CBARP: variants seen among roughly 807,000 people sequenced by gnomAD.
The protein encoded by CBARP is CACN subunit beta associated regulatory protein, also known as voltage-dependent calcium channel beta subunit-associated regulatory protein.
Under a neutral mutation model 36.3 loss-of-function variants are expected in CBARP, and 24 were observed. That is an observed-to-expected ratio of 0.66 (90% CI 0.48 to 0.93). The LOEUF (loss-of-function observed/expected upper bound fraction) is 0.93, where lower values mean the gene tolerates loss of function less well. CBARP is among the 40% of genes least tolerant of loss of function. The pLI is 0.00. For synonymous variants in CBARP, 586 were observed against 453.2 expected (o/e 1.29, Z -3.72); for missense variants, 1,146 against 980.4 (o/e 1.17, Z -2.26).
chr19:1,232,577 C>T (rs73494636), intron 8 of CBARP, among the ~76,000 whole-genome samples: 3,764 of 152,276 alleles, frequency 0.025, 142 homozygotes, highest in African/African-American at 0.085. Flanking sequence ...CTCTGCTCCC[C>T]ACACAAACTC....
chr19:1,231,577 CGCCTGTGCACCCCCCAT>C (rs1349255363), intron 8 of CBARP, among the ~76,000 whole-genome samples: 1 of 88,680 alleles, frequency 1.1e-5, no homozygotes, highest in Non-Finnish European at 2.3e-5. Context: ...CCCCACAGAA[CGCCTGTGCACCCCCCAT>C]GCCTGTGCCC....
Position 1,229,588 on chromosome 19 carries a change from C to T in CBARP, c.1709G>A (p.Arg570His). 2 of 1,181,176 alleles carry T rather than the reference C, an allele frequency of 1.7e-6. No individual in the cohort carries two copies. Among genetic ancestry groups the T allele is most frequent in the South Asian group, 1.4e-5 (1 of 69,014 alleles). 73.2% of individuals were successfully genotyped at this position (1,181,176 alleles called of 1,614,324 possible). A position where few individuals can be genotyped will look rare whatever the true frequency, so the allele number is the denominator to read the frequency against. The change falls in exon 10 of 10, where the codon CGC becomes CAC. Residue 570 changes from arginine to histidine, a missense_variant. By Grantham distance (29) the Arg-to-His change is conservative. Transcript: ENST00000650044. This position sits in a 1 kb window ranked among gnomAD's most constrained non-coding sequence, Gnocchi z 5.1. ...FDDTPAAARH[R>H]ARAHPHARKQ... ...GCGGGCGTGCGGGTGCGCGCGGGCG[C>T]GGTGTCGCGCGGCAGCCGGCGTGTC...
At position 1,228,975 on chromosome 19, in the gene CBARP, A is replaced by G. The variant is rs72618593; in HGVS notation, c.*204T>C. On this transcript the variant is annotated 3_prime_UTR_variant, in exon 10 of 10. Transcript: ENST00000650044. ...CGGCAAGCACCGGAAAGAGCAGTGC[A>G]CACTTCGGCGGCGCGAGGGCGGCCG... 84,077 of 148,520 alleles carry G rather than the reference A, an allele frequency of 0.57. 24,812 individuals are homozygous for G. The highest frequency in any genetic ancestry group is 0.98 in the East Asian group (5,005 of 5,094). 9.2% of individuals were successfully genotyped at this position (148,520 alleles called of 1,614,324 possible).
At chr19:1,232,560 G>A (rs898663931) in intron 8 of CBARP, among the ~76,000 whole-genome samples, 6 of 152,156 alleles carry the variant, frequency 3.9e-5, no homozygotes. Context: ...TGCTACAGAT[G>A]GGACACCTCT....
At chr19:1,235,241 G>T (rs2145457891) in intron 4 of CBARP, 96 bp from the exon 5 acceptor site, 2 of 1,309,300 alleles carry the variant, frequency 1.5e-6, no homozygotes, top group Middle Eastern at 2.8e-4. Context: ...CGGCAGGGAG[G>T]GCTGGGGCCG....
Position 1,229,108 on chromosome 19 carries a change from G to T in CBARP, c.*71C>A. The stretch of plus-strand genomic sequence containing the variant: ...TCGCGTCGGGGCGTCGCGCCCCCAC[G>T]TCTCTCCCGCCGCCGAGGCCCCGTG... On this transcript the variant is annotated 3_prime_UTR_variant, in exon 10 of 10. Transcript: ENST00000650044. The surrounding 1 kb of genome is among the most constrained non-coding windows in gnomAD (Gnocchi z 5.1). 2 of 595,008 alleles carry T rather than the reference G, an allele frequency of 3.4e-6. No homozygotes were observed. The highest frequency in any genetic ancestry group is 4.9e-5 in the South Asian group (1 of 20,492). 36.9% of individuals were successfully genotyped at this position (595,008 alleles called of 1,614,324 possible).
chr19:1,229,735 G>A lies in CBARP; in HGVS notation c.1562C>T (p.Ala521Val). The change falls in exon 10 of 10, where the codon GCC becomes GTC. Residue 521 changes from alanine (A) to valine (V), a missense_variant. Physicochemically the swap from Ala to Val is moderately conservative, Grantham distance 64. Transcript: ENST00000650044. The surrounding 1 kb of genome is among the most constrained non-coding windows in gnomAD (Gnocchi z 5.1). ...CGGGCTGCGGGGCCGGGCGGGCGCG[G>A]CAGGTGGCTCGGTGTCGTCGCCTGC... Reference protein sequence around the residue: ...RGAGDDTEPPAAPARPRSPRA... With the variant: ...RGAGDDTEPPVAPARPRSPRA... The A allele has an allele frequency of 1.0e-6, 1 of 987,520 alleles. No individual in the cohort carries two copies. Among genetic ancestry groups the A allele is most frequent in the Non-Finnish European group, 1.2e-6 (1 of 831,136 alleles). The allele number at this position is 987,520 out of a possible 1,614,324, so 61.2% of individuals were successfully genotyped here.
chr19:1,235,613 C>G (rs2080958507), intron 3 of CBARP, 48 bp from the exon 4 acceptor site: 2 of 1,592,510 alleles, frequency 1.3e-6, no homozygotes, highest in African/African-American at 1.3e-5. Context: ...GCCCAGATAG[C>G]CACAGTGGGT....
At chr19:1,234,093 G>A (rs959732151) in intron 7 of CBARP, 98 bp downstream of exon 7, 27 of 1,333,660 alleles carry the variant, frequency 2.0e-5, no homozygotes, top group Non-Finnish European at 2.5e-5. Flanking sequence ...TGCGGTGGCT[G>A]GCAGGTCATA....
In CBARP at chr19:1,229,339, G is replaced by C. The variant is rs770494033; in HGVS notation, c.1958C>G (p.Pro653Arg). The stretch of plus-strand genomic sequence containing the variant: ...TGGTAGGACGCACAGGCCCGAGCCG[G>C]GGCACCCCCCGCCGCCCGGCTCCTC... ...IEEEPGGGGC[P>R]GSGLCVLPSG... Residue 653 changes from proline to arginine, a missense_variant, in exon 10 of 10, where the codon CCC becomes CGC. By Grantham distance (103) the Pro-to-Arg change is moderately radical. Coordinates refer to ENST00000650044, the MANE Select transcript of CBARP (RefSeq NM_001393918.1). This position sits in a 1 kb window ranked among gnomAD's most constrained non-coding sequence, Gnocchi z 5.1. The C allele has an allele frequency of 1.6e-6, 2 of 1,215,410 alleles. No individual in the cohort carries two copies. Among genetic ancestry groups the C allele is most frequent in the South Asian group, 1.4e-5 (1 of 73,302 alleles). 75.3% of individuals were successfully genotyped at this position (1,215,410 alleles called of 1,614,324 possible). A position where few individuals can be genotyped will look rare whatever the true frequency, so the allele number is the denominator to read the frequency against.
intron 1 of CBARP, 132 bp from the exon 2 acceptor site, chr19:1,236,253 G>A (rs1466980420): frequency 4.8e-6 from 6 of 1,243,572 alleles, no homozygotes; most frequent in Non-Finnish European, 6.2e-6. Flanking sequence ...AGGTAGCAGA[G>A]CCGGAGGCAG....
Position 1,229,831 on chromosome 19 carries a change from C to T in CBARP, c.1466G>A (p.Arg489Gln). ...CCGGCGCGCCTCGCCGTCCTTGGGC[C>T]GCGGCGCGGGCGGGGAGGGCGGCGG... Reference protein sequence around the residue: ...AFPPPSPPAPRPKDGEARRLL... With the variant: ...AFPPPSPPAPQPKDGEARRLL... Residue 489 changes from arginine (R) to glutamine (Q), a missense_variant, in exon 10 of 10, where the codon CGG becomes CAG. By Grantham distance (43) the Arg-to-Gln change is conservative. Coordinates refer to ENST00000650044, the MANE Select transcript of CBARP (RefSeq NM_001393918.1). The surrounding 1 kb of genome is among the most constrained non-coding windows in gnomAD (Gnocchi z 5.1). 1 of 984,864 alleles carries T rather than the reference C, an allele frequency of 1.0e-6. No individual in the cohort carries two copies. Among genetic ancestry groups the T allele is most frequent in the Non-Finnish European group, 1.2e-6 (1 of 830,898 alleles). 61.0% of individuals were successfully genotyped at this position (984,864 alleles called of 1,614,324 possible).
chr19:1,228,825 G>GC lies in CBARP; in HGVS notation c.*353dup. On this transcript the variant is annotated 3_prime_UTR_variant, in exon 10 of 10. Transcript: ENST00000650044. ...TGGCGGGCCCTGCGACTAAGCGGCC[G>GC]CCCCGTCCGGGACTGAGGGCGAGTG... The GC allele has an allele frequency of 6.8e-6, 1 of 147,448 alleles. No homozygotes were observed. Among genetic ancestry groups the GC allele is most frequent in the Non-Finnish European group, 1.5e-5 (1 of 66,226 alleles). 9.1% of individuals were successfully genotyped at this position (147,448 alleles called of 1,614,324 possible). A position where few individuals can be genotyped will look rare whatever the true frequency, so the allele number is the denominator to read the frequency against.
At position 1,233,418 on chromosome 19, in the gene CBARP, C is replaced by T; in HGVS notation, c.979+8G>A. On this transcript the variant is annotated splice_region_variant and intron_variant, in intron 8 of 9. Transcript: ENST00000650044. ...GGGGCCCACTCTCCACCAGGTGCTA[C>T]AGCTCACCTCTCGTGTCCAGACTGG... The T allele has an allele frequency of 1.9e-6, 3 of 1,578,606 alleles. No homozygotes were observed. Among genetic ancestry groups the T allele is most frequent in the South Asian group, 1.2e-5 (1 of 86,800 alleles).
rs1320125372 is a variant in CBARP at position 1,231,207 on chromosome 19, C to G, written c.1048G>C (p.Asp350His). Residue 350 changes from aspartate to histidine, a missense_variant, in exon 9 of 10, where the codon GAT becomes CAT. Coordinates refer to ENST00000650044, the MANE Select transcript of CBARP (RefSeq NM_001393918.1). The stretch of plus-strand genomic sequence containing the variant: ...TGGATGAAGTCCTCCTGGGGGGCAT[C>G]CCCCTCCTCCTGCTCCGTGCTCTCA... The part of the protein sequence containing the change: ...ASESTEQEEG[D>H]APQEDFIQYI... 1.4e-5 allele frequency: 22 copies of G among 1,603,472 alleles called. No homozygotes were observed. Among genetic ancestry groups the G allele is most frequent in the Non-Finnish European group, 1.5e-5 (18 of 1,179,258 alleles).
chr19:1,236,794 C>T (rs1173010094), intron 1 of CBARP, among the ~76,000 whole-genome samples: 2 of 138,062 alleles, frequency 1.4e-5, no homozygotes, highest in Non-Finnish European at 3.1e-5. Flanking sequence ...GAGCAGGCCG[C>T]GGCTGGGGGG....
At chr19:1,236,436 T>G (rs566344530) in intron 1 of CBARP, among the ~76,000 whole-genome samples, 25 of 152,246 alleles carry the variant, frequency 1.6e-4, no homozygotes, top group Admixed American at 1.6e-3. Context: ...GCCCTGGAGC[T>G]CAGCGCTGGG....
At position 1,234,159 on chromosome 19, in the gene CBARP, G is replaced by A. The variant is rs376111449; in HGVS notation, c.768+32C>T. 20 of 1,469,552 alleles carry A rather than the reference G, an allele frequency of 1.4e-5. No individual in the cohort carries two copies. In the African/African-American group the frequency reaches 2.3e-4, roughly 17 times the overall value. The allele number at this position is 1,469,552 out of a possible 1,614,324, so 91.0% of individuals were successfully genotyped here. Reference sequence around the variant, plus strand: ...GAGGGGAAGGAGCCTCCCCGGCTGTGGACACCATGGGGGACACGCAGGGGC... The same window carrying A: ...GAGGGGAAGGAGCCTCCCCGGCTGTAGACACCATGGGGGACACGCAGGGGC... On this transcript the variant is annotated intron_variant, in intron 7 of 9. Transcript: ENST00000650044.
intron 9 of CBARP, 28 bp downstream of exon 9, chr19:1,231,073 C>A: frequency 6.3e-7 from 1 of 1,587,990 alleles, no homozygotes; most frequent in Non-Finnish European, 8.6e-7. Context: ...CAGGTCCACC[C>A]CTAGCACCTC....
Sources: allele counts gnomAD v4.1 joint callset (sites outside exome capture counted in the v4.1 genomes callset), GRCh38; gene constraint gnomAD v4.1.1; non-coding constraint Gnocchi (gnomAD v3.1); transcripts MANE v1.5; gene names NCBI Gene and HGNC (gene_info 2026-07-23, HGNC 2026-07-21).